Variants in CD36 observed in about 807,000 individuals in gnomAD.
CD36 encodes the protein CD36 molecule (CD36 blood group).
Under a neutral mutation model 55.2 loss-of-function variants are expected in CD36, and 119 were observed. The ratio of observed to expected loss-of-function variants is 2.15; its 90% CI spans 1.86 to 2.51. CD36 has a LOEUF of 2.51. Among genes scored for constraint, CD36 ranks in the 30% most tolerant of loss-of-function variants. CD36 has a pLI of 0.00. For synonymous variants in CD36, 186 were observed against 193.6 expected, an observed-to-expected ratio of 0.96 and a Z score of 0.33; for missense variants, 819 against 555.5, an observed-to-expected ratio of 1.47 and a Z score of -4.77.
At position 80,665,145 on chromosome 7, in the gene CD36, T is replaced by G. The variant is rs549008219; in HGVS notation, c.701+648T>G. Among the ~76,000 whole-genome samples the G allele has an allele frequency of 2.6e-5, 4 of 152,140 alleles. No individual in the cohort carries two copies. In the East Asian group the frequency reaches 7.7e-4, roughly 29 times the overall value. ...AAATACAAAATGTGAAAATGAAGACTTTGCCAACTTTAAAGTGGTAAAATA... is the reference window on the plus strand; with the variant it reads ...AAATACAAAATGTGAAAATGAAGACGTTGCCAACTTTAAAGTGGTAAAATA... On this transcript the variant is annotated intron_variant, in intron 7 of 14. Transcript: ENST00000447544.
chr7:80,644,188 C>A (rs1252644614), intron 1 of CD36, among the ~76,000 whole-genome samples: 1 of 152,144 alleles, frequency 6.6e-6, no homozygotes, highest in Non-Finnish European at 1.5e-5. Context: ...ATGGACAAAG[C>A]CATATGAGGT....
intron 7 of CD36, among the ~76,000 whole-genome samples, chr7:80,665,293 C>T (rs77305029): frequency 6.6e-6 from 1 of 151,078 alleles, no homozygotes; most frequent in African/African-American, 2.4e-5. Flanking sequence ...ATCAGAGGAA[C>T]AAGCTTTCTT....
chr7:80,677,295 G>T lies in CD36; in HGVS notation c.*912G>T, dbSNP rs1171977214. ...AGGTAACTCTGTTTCTTGAGCAGGG[G>T]TTCACTTATTCTGAGAGCATTAGTT... On this transcript the variant is annotated 3_prime_UTR_variant, in exon 15 of 15. Coordinates refer to ENST00000447544, the MANE Select transcript of CD36 (RefSeq NM_001001548.3). 1 of 152,152 alleles carries T rather than the reference G, an allele frequency of 6.6e-6. No individual in the cohort carries two copies. The highest frequency in any genetic ancestry group is 1.5e-5 in the Non-Finnish European group (1 of 68,022). 9.4% of individuals were successfully genotyped at this position (152,152 alleles called of 1,614,324 possible). A position where few individuals can be genotyped will look rare whatever the true frequency, so the allele number is the denominator to read the frequency against.
chr7:80,663,410 T>TTTA (rs1409388751), intron 6 of CD36, among the ~76,000 whole-genome samples: 3 of 152,150 alleles, frequency 2.0e-5, no homozygotes, highest in African/African-American at 7.2e-5. Context: ...TTTCTACTCA[T>TTTA]TTATAAATAC....
intron 1 of CD36, among the ~76,000 whole-genome samples, chr7:80,627,771 TAATC>T (rs1315502956): frequency 2.0e-5 from 3 of 152,234 alleles, no homozygotes; most frequent in Non-Finnish European, 4.4e-5. Context: ...AACTTTATTT[TAATC>T]AATATGTCTG....
At position 80,671,216 on chromosome 7, in the gene CD36, TTAAGA is replaced by T. The variant is rs1360925527; in HGVS notation, c.1006+54_1006+58del. On this transcript the variant is annotated intron_variant, in intron 10 of 14. Transcript: ENST00000447544. The stretch of plus-strand genomic sequence containing the variant: ...TCCATACCATAATTTGTGATATTCT[TTAAGA>T]TGAGAACTTTACCATAATCCTTTAG... 3.0e-5 allele frequency: 36 copies of T among 1,219,554 alleles called. No individual in the cohort carries two copies. The Middle Eastern group carries it at 5.7e-4, about 19-fold the overall frequency. 75.5% of individuals were successfully genotyped at this position (1,219,554 alleles called of 1,614,324 possible). A position where few individuals can be genotyped will look rare whatever the true frequency, so the allele number is the denominator to read the frequency against.
intron 1 of CD36, among the ~76,000 whole-genome samples, chr7:80,621,326 T>A (rs1352555012): frequency 1.3e-5 from 2 of 152,214 alleles, no homozygotes; most frequent in Non-Finnish European, 2.9e-5. Context: ...AAACTTCCAG[T>A]ATCTGCAGAG....
chr7:80,675,101 G>A (rs1798105828), intron 14 of CD36, among the ~76,000 whole-genome samples: 1 of 152,062 alleles, frequency 6.6e-6, no homozygotes, highest in African/African-American at 2.4e-5. Flanking sequence ...GTTTGAAAAG[G>A]CAACCTAATT....
intron 3 of CD36, among the ~76,000 whole-genome samples, chr7:80,651,774 G>T (rs1174543681): frequency 1.3e-5 from 2 of 152,030 alleles, no homozygotes; most frequent in African/African-American, 4.8e-5. Flanking sequence ...GCTGGATATG[G>T]TTACACATGC....
intron 11 of CD36, 98 bp from the exon 12 acceptor site, chr7:80,672,672 A>AG: frequency 1.2e-6 from 1 of 820,440 alleles, no homozygotes. Context: ...TTTAACCTTA[A>AG]GTTACTACCT....
intron 1 of CD36, among the ~76,000 whole-genome samples, chr7:80,620,832 A>G (rs1793427829): frequency 6.6e-6 from 1 of 152,242 alleles, no homozygotes; most frequent in African/African-American, 2.4e-5. Context: ...GACAAAAACC[A>G]ATATATATCA....
intron 1 of CD36, chr7:80,633,057 T>C (rs1020653555): frequency 1.3e-5 from 2 of 152,048 alleles, no homozygotes; most frequent in African/African-American, 4.8e-5. Flanking sequence ...AGTTATTCTT[T>C]TGCCTAAATG....
chr7:80,668,714 T>A (rs1797361733), intron 8 of CD36, among the ~76,000 whole-genome samples: 1 of 152,182 alleles, frequency 6.6e-6, no homozygotes, highest in African/African-American at 2.4e-5. Context: ...TTGTTGTCAA[T>A]GTCCATATGG....
intron 1 of CD36, among the ~76,000 whole-genome samples, chr7:80,623,503 T>TAGTA (rs3044666): frequency 6.6e-6 from 1 of 152,054 alleles, no homozygotes; most frequent in Admixed American, 6.6e-5. Flanking sequence ...ATACTGTAAT[T>TAGTA]CTTATTTTTA....
At chr7:80,628,541 C>A (rs574113965) in intron 1 of CD36, among the ~76,000 whole-genome samples, 4 of 151,956 alleles carry the variant, frequency 2.6e-5, no homozygotes, top group Non-Finnish European at 5.9e-5. Flanking sequence ...CTTTAAGAGA[C>A]CTGGTTAAGC....
chr7:80,624,611 T>G (rs932085280), intron 1 of CD36, among the ~76,000 whole-genome samples: 1 of 152,052 alleles, frequency 6.6e-6, no homozygotes, highest in Non-Finnish European at 1.5e-5. Context: ...TCTTTTATTC[T>G]TAGGAATATA....
At chr7:80,667,747 G>C (rs373466995) in intron 8 of CD36, among the ~76,000 whole-genome samples, 1 of 82,636 alleles carries the variant, frequency 1.2e-5, no homozygotes, top group Non-Finnish European at 2.6e-5. Context: ...GTTTTCTTTT[G>C]TTTTTTTTTT....
chr7:80,674,866 G>C (rs966542378), intron 14 of CD36, among the ~76,000 whole-genome samples: 1 of 152,082 alleles, frequency 6.6e-6, no homozygotes, highest in South Asian at 2.1e-4. Flanking sequence ...AACTTATTTA[G>C]TTGTTTACTG....
chr7:80,654,907 G>T (rs1376326728), intron 3 of CD36, among the ~76,000 whole-genome samples: 1 of 150,386 alleles, frequency 6.6e-6, no homozygotes, highest in Non-Finnish European at 1.5e-5. Flanking sequence ...GACAGTCATA[G>T]CATGGTGTAA....
Sources: gnomAD v4.1 joint callset for allele counts (sites outside exome capture counted in the v4.1 genomes callset) on GRCh38, gnomAD v4.1.1 for gene constraint, MANE v1.5 for transcripts, NCBI Gene and HGNC (gene_info 2026-07-23, HGNC 2026-07-21) for gene names.